The following FHIT variants were observed in gnomAD, a reference collection of about 807,000 sequenced individuals.
FHIT encodes the protein bis(5'-adenosyl)-triphosphatase.
Under a neutral mutation model 17.9 loss-of-function variants are expected in FHIT, and 19 were observed. The ratio of observed to expected loss-of-function variants is 1.06; its 90% confidence interval spans 0.74 to 1.56. The LOEUF is 1.56. FHIT is among the 40% of genes most tolerant of loss of function. The pLI is 0.00. For missense variants in FHIT, 248 were observed against 189.2 expected, an observed-to-expected ratio of 1.31 and a Z score of -1.82; for synonymous variants, 81 against 69.7, an observed-to-expected ratio of 1.16 and a Z score of -0.81.
chr3:60,821,811 G>A (rs1701939146), intron 4 of FHIT, 108 bp downstream of exon 4: 2 of 152,148 alleles, frequency 1.3e-5, no homozygotes, highest in South Asian at 4.2e-4. Flanking sequence ...CATTTTAAAA[G>A]TTCTATTTTA....
rs369362239 is a variant in FHIT at position 59,858,665 on chromosome 3, A to T, written c.348+63681T>A. ...ACGTGGGGAGAGGGGTGCTGCATGGATGGGGGCAGTGGTGTTTCTAGTGTG... is the reference window on the plus strand; with the variant it reads ...ACGTGGGGAGAGGGGTGCTGCATGGTTGGGGGCAGTGGTGTTTCTAGTGTG... On this transcript the variant is annotated intron_variant, in intron 8 of 9. Coordinates refer to ENST00000492590, the MANE Select transcript of FHIT (RefSeq NM_002012.4). Among the ~76,000 whole-genome samples the T allele has an allele frequency of 3.3e-5, 5 of 152,124 alleles. No homozygotes were observed. In the East Asian group the frequency reaches 5.8e-4, roughly 18 times the overall value.
chr3:60,022,868 A>T (rs752033490), intron 5 of FHIT, among the ~76,000 whole-genome samples: 3 of 152,220 alleles, frequency 2.0e-5, no homozygotes, highest in Non-Finnish European at 2.9e-5. Flanking sequence ...TATAGAAGTC[A>T]TTTCTGGGAC....
At chr3:59,780,954 A>G (rs1210984596) in intron 8 of FHIT, among the ~76,000 whole-genome samples, 1 of 152,214 alleles carries the variant, frequency 6.6e-6, no homozygotes, top group African/African-American at 2.4e-5. Flanking sequence ...TTTGTTTTCT[A>G]TGCTAGGCCT....
Position 60,955,609 on chromosome 3 carries a change from T to TGTATATATATATATATATAC in FHIT, c.-111+86437_-111+86438insGTATATATATATATATATAC, listed in dbSNP as rs1216272221. ...AGGCATATATATACATATATATATA[T>TGTATATATATATATATATAC]ATATATATATATATATATATATATA... On this transcript the variant is annotated intron_variant, in intron 3 of 9. Coordinates refer to ENST00000492590, the MANE Select transcript of FHIT (RefSeq NM_002012.4). Among the ~76,000 whole-genome samples, 24 of 9,150 alleles carry TGTATATATATATATATATAC rather than the reference T, an allele frequency of 2.6e-3. 1 individual carries two copies. The highest frequency in any genetic ancestry group is 4.0e-3 in the African/African-American group (23 of 5,790). The allele number at this position is 9,150 out of a possible 152,430, so 6.0% of individuals were successfully genotyped here.
chr3:60,938,806 A>C (rs1473515007), intron 3 of FHIT, among the ~76,000 whole-genome samples: 3 of 152,194 alleles, frequency 2.0e-5, no homozygotes, highest in African/African-American at 7.2e-5. Flanking sequence ...AGAGAGCTAC[A>C]TGTGTATTCT....
At chr3:60,144,127 G>A (rs1056226823) in intron 5 of FHIT, among the ~76,000 whole-genome samples, 1 of 152,204 alleles carries the variant, frequency 6.6e-6, no homozygotes, top group Non-Finnish European at 1.5e-5. Context: ...CAGGATTTGT[G>A]TTGATTTGAG....
At chr3:61,037,374 G>C (rs1159679603) in intron 3 of FHIT, among the ~76,000 whole-genome samples, 1 of 152,070 alleles carries the variant, frequency 6.6e-6, no homozygotes, top group African/African-American at 2.4e-5. Context: ...TGTAAAGCAA[G>C]AAAAATAATA....
chr3:61,073,740 T>C (rs973881199), intron 2 of FHIT, among the ~76,000 whole-genome samples: 3 of 152,180 alleles, frequency 2.0e-5, no homozygotes, highest in Non-Finnish European at 2.9e-5. Flanking sequence ...GCTGGCCCTA[T>C]TCCTATGTGT....
At chr3:60,280,422 A>C (rs1026113434) in intron 5 of FHIT, among the ~76,000 whole-genome samples, 2 of 152,178 alleles carry the variant, frequency 1.3e-5, no homozygotes, top group Non-Finnish European at 2.9e-5. Context: ...CTAAATTAAG[A>C]ATTTTAAGGT....
chr3:59,889,275 T>G (rs17365190), intron 8 of FHIT, among the ~76,000 whole-genome samples: 6,796 of 152,310 alleles, frequency 0.045, 167 homozygotes, highest in South Asian at 0.079. Context: ...CCTTTCTAAT[T>G]CATACTGTCT....
intron 5 of FHIT, among the ~76,000 whole-genome samples, chr3:60,300,423 A>G (rs1708409055): frequency 6.6e-6 from 1 of 152,130 alleles, no homozygotes; most frequent in African/African-American, 2.4e-5. Flanking sequence ...ATTAGAGTCA[A>G]AAGACTCAAG....
chr3:59,776,266 G>A (rs1702309194), intron 8 of FHIT, among the ~76,000 whole-genome samples: 1 of 152,186 alleles, frequency 6.6e-6, no homozygotes, highest in Non-Finnish European at 1.5e-5. Flanking sequence ...CCTCTGAAAT[G>A]GGCTGTGGCT....
intron 5 of FHIT, among the ~76,000 whole-genome samples, chr3:60,268,922 T>A (rs906498767): frequency 6.6e-6 from 1 of 152,040 alleles, no homozygotes; most frequent in African/African-American, 2.4e-5. Context: ...GTCACAGTGA[T>A]GAAAAGTGAG....
chr3:59,880,108 T>C (rs1321517742), intron 8 of FHIT, among the ~76,000 whole-genome samples: 1 of 152,208 alleles, frequency 6.6e-6, no homozygotes, highest in East Asian at 1.9e-4. Context: ...GCCAAGAAGC[T>C]GCCTCATAAC....
chr3:60,570,886 C>T (rs1270528952), intron 4 of FHIT, among the ~76,000 whole-genome samples: 2 of 151,916 alleles, frequency 1.3e-5, no homozygotes, highest in African/African-American at 4.8e-5. Context: ...TTCCAAAGTT[C>T]CCAGAACACT....
At chr3:60,384,629 G>A (rs9847855) in intron 5 of FHIT, among the ~76,000 whole-genome samples, 44,498 of 151,884 alleles carry the variant, frequency 0.29, 6,654 homozygotes, top group East Asian at 0.47. Flanking sequence ...GCAAGGATAA[G>A]GCAGGCTTTC....
At chr3:60,489,945 C>T (rs1316081309) in intron 5 of FHIT, among the ~76,000 whole-genome samples, 2 of 152,060 alleles carry the variant, frequency 1.3e-5, no homozygotes, top group Non-Finnish European at 2.9e-5. Context: ...TAAACTGTAC[C>T]TCAGTGCTCT....
intron 5 of FHIT, among the ~76,000 whole-genome samples, chr3:60,435,108 G>T (rs1223565359): frequency 6.6e-6 from 1 of 152,258 alleles, no homozygotes; most frequent in East Asian, 1.9e-4. Flanking sequence ...TGGGCCAGCA[G>T]CAGGCCATTA....
At chr3:61,060,209 G>A (rs2034377816) in intron 2 of FHIT, among the ~76,000 whole-genome samples, 1 of 152,110 alleles carries the variant, frequency 6.6e-6, no homozygotes, top group African/African-American at 2.4e-5. Flanking sequence ...AAGTGTTTTG[G>A]TCTATTTAGA....
Sources: allele counts gnomAD v4.1 joint callset (sites outside exome capture counted in the v4.1 genomes callset), GRCh38; gene constraint gnomAD v4.1.1; transcripts MANE v1.5; gene names NCBI Gene and HGNC (gene_info 2026-07-23, HGNC 2026-07-21).